Variants in LBR observed in about 807,000 individuals in gnomAD.
LBR encodes the protein delta(14)-sterol reductase LBR.
A neutral mutation model predicts 74.3 loss-of-function variants in LBR; 28 were observed. The ratio of observed to expected loss-of-function variants is 0.38; its 90% confidence interval spans 0.28 to 0.52. The LOEUF (loss-of-function observed/expected upper bound fraction) is 0.52. Among genes scored for constraint, LBR ranks in the 20% least tolerant of loss-of-function variants. The probability of loss-of-function intolerance (pLI) is 0.89; values close to 1 mark genes in which losing one functional copy is unlikely to be tolerated. For missense variants in LBR, 717 were observed against 760.3 expected (o/e 0.94, Z 0.67); for synonymous variants, 228 against 269.3 (o/e 0.85, Z 1.50).
chr1:225,406,998 T>C (rs1190799983), intron 10 of LBR, among the ~76,000 whole-genome samples, 166 bp from the exon 11 acceptor site: 2 of 152,178 alleles, frequency 1.3e-5, no homozygotes, highest in Non-Finnish European at 2.9e-5. Flanking sequence ...TGCTAGGTCT[T>C]TCTGCTGTCA....
chr1:225,417,678 T>C (rs1403517422), intron 6 of LBR: 1 of 278,602 alleles, frequency 3.6e-6, no homozygotes, highest in Admixed American at 4.9e-5. Context: ...TTCTTTTCTA[T>C]TTGGTTTGAA....
chr1:225,428,538 C>T (rs887379228), upstream of LBR, among the ~76,000 whole-genome samples: 6 of 152,166 alleles, frequency 3.9e-5, no homozygotes, highest in African/African-American at 9.7e-5. Flanking sequence ...CCCTCCTTAG[C>T]GTGTTAAAAT....
chr1:225,421,906 T>C (rs1017795407), intron 3 of LBR, among the ~76,000 whole-genome samples, 171 bp downstream of exon 3: 1 of 152,240 alleles, frequency 6.6e-6, no homozygotes, highest in African/African-American at 2.4e-5. Context: ...TCTTTTCCAT[T>C]GATATTTAAA....
At chr1:225,412,812 T>C (rs1442332516) in intron 7 of LBR, among the ~76,000 whole-genome samples, 167 bp from the exon 8 acceptor site, 2 of 152,220 alleles carry the variant, frequency 1.3e-5, no homozygotes, top group African/African-American at 4.8e-5. Context: ...AGGTATAATT[T>C]TCAATATACA....
intron 10 of LBR, among the ~76,000 whole-genome samples, chr1:225,409,977 A>T (rs994329367): frequency 2.0e-5 from 3 of 152,332 alleles, no homozygotes; most frequent in Admixed American, 1.3e-4. Context: ...TAATCCATCC[A>T]TTTTCATGTG....
At chr1:225,404,046 A>G (rs1367939793) in intron 13 of LBR, among the ~76,000 whole-genome samples, 1 of 151,840 alleles carries the variant, frequency 6.6e-6, no homozygotes, top group Non-Finnish European at 1.5e-5. Context: ...AGACACACAA[A>G]AAGAAAAACA....
intron 6 of LBR, chr1:225,417,764 G>C (rs2096120326): frequency 3.7e-6 from 2 of 541,692 alleles, no homozygotes; most frequent in Non-Finnish European, 3.3e-6. Flanking sequence ...GACAGCACAA[G>C]AGAAATGGCT....
At chr1:225,418,312 C>T (rs2096121287) in intron 5 of LBR, 132 bp from the exon 6 acceptor site, 1 of 889,206 alleles carries the variant, frequency 1.1e-6, no homozygotes. Flanking sequence ...AATGTACCAT[C>T]AAAAACTCCC....
intron 2 of LBR, chr1:225,422,503 A>G (rs1228477508): frequency 1.8e-6 from 1 of 561,638 alleles, no homozygotes; most frequent in Non-Finnish European, 3.2e-6. Context: ...CTGTTCTTTG[A>G]AGGTATTTCC....
rs373550825 is a variant in LBR, at chr1:225,422,280, A to G, written c.166-3T>C. ...CTTTGCCTAAAGGAAGTTAAAGGCT[A>G]GAAAGGGGGAAGAAGGCAAAGAGCT... is the stretch of plus-strand genomic sequence containing the variant. On this transcript the variant is annotated splice_polypyrimidine_tract_variant and splice_region_variant and intron_variant, in intron 2 of 13. Coordinates refer to ENST00000272163, the MANE Select transcript of LBR (RefSeq NM_002296.4). 7.4e-6 allele frequency: 12 copies of G among 1,612,444 alleles called. No homozygotes were observed. The highest frequency in any genetic ancestry group is 1.0e-5 in the Non-Finnish European group (12 of 1,179,368).
At chr1:225,414,436 G>T (rs1046336635) in intron 7 of LBR, among the ~76,000 whole-genome samples, 1 of 152,200 alleles carries the variant, frequency 6.6e-6, no homozygotes, top group Non-Finnish European at 1.5e-5. Context: ...TTGTCAAATG[G>T]AAAATCATTC....
chr1:225,425,111 T>G (rs1281645599), intron 1 of LBR, among the ~76,000 whole-genome samples: 1 of 152,058 alleles, frequency 6.6e-6, no homozygotes, highest in Non-Finnish European at 1.5e-5. Context: ...CATTCCTCAC[T>G]GGCTCCTGTT....
intron 3 of LBR, 28 bp downstream of exon 3, chr1:225,422,049 A>G: frequency 6.2e-7 from 1 of 1,600,482 alleles, no homozygotes; most frequent in Non-Finnish European, 8.6e-7. Flanking sequence ...CGGAAGACAA[A>G]AGGCTGTATA....
intron 2 of LBR, among the ~76,000 whole-genome samples, chr1:225,423,288 C>T (rs1162723592): frequency 6.6e-6 from 1 of 152,072 alleles, no homozygotes; most frequent in Non-Finnish European, 1.5e-5. Context: ...ATCTTAAAAC[C>T]CAGGCCCTCA....
chr1:225,406,522 T>G (rs2096092010), intron 11 of LBR, 142 bp downstream of exon 11: 2 of 708,478 alleles, frequency 2.8e-6, no homozygotes, highest in Admixed American at 3.1e-5. Flanking sequence ...TGCAGATTTT[T>G]TATTACTCAT....
In LBR at chr1:225,416,456, C is replaced by A. The variant is rs1024176390; in HGVS notation, c.838-1124G>T. On this transcript the variant is annotated intron_variant, in intron 6 of 13. Coordinates refer to ENST00000272163, the MANE Select transcript of LBR (RefSeq NM_002296.4). ...TAAATATAGTATCATTTGCTCTGGG[C>A]TAAACTACTTTATCTTATCATTAGC... 3.9e-5 allele frequency among the ~76,000 whole-genome samples: 6 copies of A among 152,316 alleles called. No homozygotes were observed. In the East Asian group the frequency reaches 1.2e-3, roughly 29 times the overall value.
intron 5 of LBR, 72 bp from the exon 6 acceptor site, chr1:225,418,252 T>C (rs377004937): frequency 1.4e-6 from 2 of 1,476,502 alleles, no homozygotes; most frequent in South Asian, 2.4e-5. Flanking sequence ...CATGTTAGAT[T>C]TGTTAAGATC....
intron 7 of LBR, chr1:225,413,952 GA>G: frequency 4.4e-6 from 2 of 456,796 alleles, no homozygotes; most frequent in Non-Finnish European, 8.8e-6. Context: ...AGACTACTTA[GA>G]AAAGAATTGG....
At chr1:225,413,391 T>C (rs1424173515) in intron 7 of LBR, among the ~76,000 whole-genome samples, 3 of 152,254 alleles carry the variant, frequency 2.0e-5, no homozygotes, top group Non-Finnish European at 4.4e-5. Context: ...AATTTTTTTC[T>C]TTTGGCTAAA....
Sources: gnomAD v4.1 joint callset for allele counts (sites outside exome capture counted in the v4.1 genomes callset) on GRCh38, gnomAD v4.1.1 for gene constraint, MANE v1.5 for transcripts, NCBI Gene and HGNC (gene_info 2026-07-23, HGNC 2026-07-21) for gene names.